ENTREP2: variants seen among roughly 807,000 people sequenced by gnomAD.
ENTREP2 encodes protein ENTREP2.
At chr15:29,338,432 A>T in the ENTREP2 span, among the ~76,000 whole-genome samples, 1 of 151,692 alleles carries the variant, frequency 6.6e-6, no homozygotes, top group Non-Finnish European at 1.5e-5. Flanking sequence ...TCTCAAAAAA[A>T]AAAAAAAAAG....
the ENTREP2 span, among the ~76,000 whole-genome samples, chr15:29,646,411 G>A: frequency 6.6e-6 from 1 of 152,198 alleles, no homozygotes; most frequent in Non-Finnish European, 1.5e-5. Context: ...GGACTGGGGA[G>A]CTTGTTTCCT....
chr15:29,471,471 AC>A, the ENTREP2 span, among the ~76,000 whole-genome samples: 2 of 152,326 alleles, frequency 1.3e-5, no homozygotes, highest in African/African-American at 4.8e-5. Context: ...AGCACAGAAA[AC>A]AGAGAGACCC....
At chr15:29,655,414 C>T in the ENTREP2 span, among the ~76,000 whole-genome samples, 2 of 152,326 alleles carry the variant, frequency 1.3e-5, no homozygotes, top group East Asian at 1.9e-4. Context: ...AGAGGATGTG[C>T]TCCCATCTCT....
the ENTREP2 span, among the ~76,000 whole-genome samples, chr15:29,418,000 A>G: frequency 6.6e-6 from 1 of 152,220 alleles, no homozygotes; most frequent in East Asian, 1.9e-4. Context: ...AACTGTAAGA[A>G]TAGAAGCCAT....
chr15:29,627,791 A>G, the ENTREP2 span, among the ~76,000 whole-genome samples: 4 of 152,294 alleles, frequency 2.6e-5, no homozygotes, highest in South Asian at 8.3e-4. Context: ...TTCAAGGTTC[A>G]TCACATGTGG....
At chr15:29,609,086 G>A in the ENTREP2 span, among the ~76,000 whole-genome samples, 1 of 138,912 alleles carries the variant, frequency 7.2e-6, no homozygotes, top group Non-Finnish European at 1.6e-5. Flanking sequence ...GAGGCTGTTG[G>A]CCATTTATAT....
chr15:29,246,831 T>C, the ENTREP2 span, among the ~76,000 whole-genome samples: 1 of 151,968 alleles, frequency 6.6e-6, no homozygotes, highest in Admixed American at 6.6e-5. Flanking sequence ...CGCTACTCCC[T>C]GTTTAACAGC....
chr15:29,209,541 CA>C, the ENTREP2 span, among the ~76,000 whole-genome samples: 47 of 152,174 alleles, frequency 3.1e-4, no homozygotes, highest in African/African-American at 1.1e-3. Context: ...CACAGTAGTC[CA>C]GGGGAGAGTC....
the ENTREP2 span, among the ~76,000 whole-genome samples, chr15:29,578,657 C>A: frequency 9.9e-5 from 15 of 152,264 alleles, no homozygotes; most frequent in African/African-American, 3.4e-4. Context: ...TCAAACATTA[C>A]GCACTTTATG....
the ENTREP2 span, among the ~76,000 whole-genome samples, chr15:29,364,670 T>C: frequency 6.6e-6 from 1 of 152,192 alleles, no homozygotes; most frequent in Admixed American, 6.5e-5. Context: ...CCTTTCCCTA[T>C]TGTTAGTCAT....
At chr15:29,454,311 G>C in the ENTREP2 span, among the ~76,000 whole-genome samples, 1 of 152,138 alleles carries the variant, frequency 6.6e-6, no homozygotes. Flanking sequence ...ATTTATGACT[G>C]CTTTTAGTAT....
the ENTREP2 span, among the ~76,000 whole-genome samples, chr15:29,421,958 T>A: frequency 3.3e-5 from 5 of 152,094 alleles, no homozygotes; most frequent in Admixed American, 6.5e-5. Context: ...GGTGGAGGCC[T>A]GAAAGAGAAC....
the ENTREP2 span, among the ~76,000 whole-genome samples, chr15:29,574,607 T>C: frequency 6.6e-6 from 1 of 152,174 alleles, no homozygotes; most frequent in African/African-American, 2.4e-5. Context: ...CCATTGTTCT[T>C]AAGCAAAGCA....
chr15:29,264,627 C>T, the ENTREP2 span, among the ~76,000 whole-genome samples: 1 of 152,100 alleles, frequency 6.6e-6, no homozygotes, highest in Non-Finnish European at 1.5e-5. Context: ...AGAAAACAGG[C>T]CCGTATTCTT....
the ENTREP2 span, among the ~76,000 whole-genome samples, chr15:29,368,723 A>C: frequency 5.1e-4 from 77 of 152,002 alleles, no homozygotes; most frequent in African/African-American, 1.8e-3. Context: ...AAAAATACAC[A>C]AAAATTAGCC....
chr15:29,446,892 C>A, the ENTREP2 span, among the ~76,000 whole-genome samples: 1 of 152,192 alleles, frequency 6.6e-6, no homozygotes, highest in Non-Finnish European at 1.5e-5. Flanking sequence ...AGTCACACCT[C>A]CTTCTGATTC....
chr15:29,586,056 G>A, the ENTREP2 span, among the ~76,000 whole-genome samples: 2 of 151,942 alleles, frequency 1.3e-5, no homozygotes, highest in African/African-American at 4.8e-5. Flanking sequence ...AGCCAAAAAT[G>A]GTAACAACCT....
the ENTREP2 span, among the ~76,000 whole-genome samples, chr15:29,158,405 CT>C: frequency 0.24 from 31,729 of 130,228 alleles, 2,787 homozygotes; most frequent in African/African-American, 0.27. Flanking sequence ...TTATCTCTGC[CT>C]TTTTTTTTTT....
the ENTREP2 span, among the ~76,000 whole-genome samples, chr15:29,651,968 C>G: frequency 6.6e-6 from 1 of 152,164 alleles, no homozygotes; most frequent in Admixed American, 6.5e-5. Flanking sequence ...GCCTGGGGGC[C>G]AGGCCGCCAG....
Sources: gnomAD v4.1 joint callset for allele counts (sites outside exome capture counted in the v4.1 genomes callset) on GRCh38, gnomAD v4.1.1 for gene constraint, MANE v1.5 for transcripts, NCBI Gene and HGNC (gene_info 2026-07-23, HGNC 2026-07-21) for gene names.